BRD4: variants seen among roughly 807,000 people sequenced by gnomAD.
BRD4 encodes bromodomain containing 4, also known as bromodomain-containing protein 4.
In BRD4, 16 loss-of-function variants were observed where a neutral mutation model predicts 142.1. The observed-to-expected ratio is 0.11, with a 90% CI of 0.08 to 0.17. BRD4 has a LOEUF of 0.17. Among genes scored for constraint, BRD4 ranks in the 10% least tolerant of loss-of-function variants. BRD4 has a pLI of 1.00. For missense variants in BRD4, 1,424 were observed against 1,810.9 expected, an observed-to-expected ratio of 0.79 and a Z score of 3.88; for synonymous variants, 833 against 707.5, an observed-to-expected ratio of 1.18 and a Z score of -2.82.
intron 7 of BRD4, among the ~76,000 whole-genome samples, chr19:15,257,903 A>C (rs1393641470): frequency 1.3e-5 from 2 of 152,174 alleles, no homozygotes; most frequent in Non-Finnish European, 2.9e-5. Context: ...AAGATCCAGC[A>C]ATCAGATGGA....
At chr19:15,326,631 A>G (rs556434316) in intron 1 of BRD4, among the ~76,000 whole-genome samples, 8 of 152,326 alleles carry the variant, frequency 5.3e-5, no homozygotes, top group African/African-American at 1.7e-4. Flanking sequence ...CTTTTTCCAA[A>G]TTCCTTAAAA....
chr19:15,284,590 A>G (rs907738832), intron 1 of BRD4, among the ~76,000 whole-genome samples: 3 of 152,136 alleles, frequency 2.0e-5, no homozygotes, highest in Non-Finnish European at 4.4e-5. Context: ...TTCACTTTCA[A>G]GCTTCTCTTC....
intron 4 of BRD4, 36 bp from the exon 5 acceptor site, chr19:15,265,679 T>C (rs780917751): frequency 1.9e-6 from 3 of 1,611,452 alleles, no homozygotes; most frequent in African/African-American, 1.3e-5. Context: ...TTAGAGACCA[T>C]GCTGACATCC....
intron 1 of BRD4, among the ~76,000 whole-genome samples, chr19:15,292,890 T>C (rs1167481452): frequency 6.7e-6 from 1 of 148,956 alleles, no homozygotes; most frequent in African/African-American, 2.5e-5. Flanking sequence ...CAATTTCGGA[T>C]GTGAAAGGAT....
intron 1 of BRD4, among the ~76,000 whole-genome samples, chr19:15,278,105 C>CAAAAAAAAA (rs59204229): frequency 9.1e-5 from 5 of 55,038 alleles, no homozygotes; most frequent in African/African-American, 1.3e-4. Context: ...GACTCCGTCT[C>CAAAAAAAAA]AAAAAAAAAA....
intron 7 of BRD4, among the ~76,000 whole-genome samples, chr19:15,258,626 G>A (rs957830110): frequency 1.3e-5 from 2 of 151,994 alleles, no homozygotes; most frequent in African/African-American, 4.8e-5. Flanking sequence ...TCTTTTTGGA[G>A]ATAGGGCCTT....
At chr19:15,255,720 G>T in intron 9 of BRD4, 128 bp from the exon 10 acceptor site, 1 of 1,239,036 alleles carries the variant, frequency 8.1e-7, no homozygotes, top group Non-Finnish European at 1.1e-6. Context: ...GCCTTCACAG[G>T]AAACGGGGCA....
intron 5 of BRD4, 93 bp downstream of exon 5, chr19:15,265,261 C>T (rs189720317): frequency 1.1e-5 from 14 of 1,262,742 alleles, no homozygotes; most frequent in Middle Eastern, 2.8e-4. Flanking sequence ...CACCAGTGCC[C>T]GGGACCCAGG....
chr19:15,248,538 G>A (rs2047312411), intron 11 of BRD4: 1 of 223,330 alleles, frequency 4.5e-6, no homozygotes, highest in African/African-American at 2.2e-5. Context: ...TTCCCTATGT[G>A]ACTTGAGAAG....
chr19:15,292,498 G>A (rs2059582059), intron 1 of BRD4, among the ~76,000 whole-genome samples: 1 of 152,150 alleles, frequency 6.6e-6, no homozygotes, highest in Admixed American at 6.5e-5. Context: ...AAAAGCCTGG[G>A]CCGGGCGCAG....
intron 11 of BRD4, chr19:15,253,069 GTC>G: frequency 4.0e-6 from 1 of 247,832 alleles, no homozygotes; most frequent in East Asian, 6.1e-5. Context: ...ACATGCAGGA[GTC>G]TACTGCCAAA....
chr19:15,282,667 C>G (rs1376052708), intron 1 of BRD4, among the ~76,000 whole-genome samples: 2 of 152,226 alleles, frequency 1.3e-5, no homozygotes, highest in African/African-American at 4.8e-5. Context: ...GTGCCCTTCA[C>G]AGTTAAGAGT....
chr19:15,239,759 G>A lies in BRD4; in HGVS notation c.3345C>T (p.Ile1115=), dbSNP rs2047223622. 1 of 1,610,616 alleles carries A rather than the reference G, an allele frequency of 6.2e-7. No individual in the cohort carries two copies. The change falls in exon 16 of 20, where the codon ATC becomes ATT. Residue 1115 remains isoleucine (I), a synonymous_variant. Coordinates refer to ENST00000679869, the MANE Select transcript of BRD4 (RefSeq NM_001379291.1). The surrounding 1 kb of genome is among the most constrained non-coding windows in gnomAD (Gnocchi z 7.4). ...GCTCGCTGCGGATGATGGGTGAGTG[G>A]ATCTTCTCCTCCTTCACCACCACGA... The part of the protein sequence containing the change: ...QPLVVVKEEK[I]HSPIIRSEPF...
rs922031428 is a variant in BRD4 at position 15,235,842 on chromosome 19, TGGA to T, written c.*2532_*2534del. ...TAGAGAGACACCCATCAGGGAGGTG[TGGA>T]GAAGGCCATGGCTGAGTTAAATCTT... is the stretch of plus-strand genomic sequence containing the variant. On this transcript the variant is annotated 3_prime_UTR_variant, in exon 20 of 20. Transcript: ENST00000679869. 1.3e-5 allele frequency: 2 copies of T among 152,092 alleles called. No individual in the cohort carries two copies. Among genetic ancestry groups the T allele is most frequent in the African/African-American group, 4.8e-5 (2 of 41,410 alleles). 9.4% of individuals were successfully genotyped at this position (152,092 alleles called of 1,614,324 possible).
In BRD4 at chr19:15,272,795, G is replaced by C; in HGVS notation, c.285+20C>G. The C allele has an allele frequency of 6.2e-7, 1 of 1,607,040 alleles. No individual in the cohort carries two copies. The highest frequency in any genetic ancestry group is 1.1e-5 in the South Asian group (1 of 90,692). On this transcript the variant is annotated intron_variant, in intron 2 of 19. Coordinates refer to ENST00000679869, the MANE Select transcript of BRD4 (RefSeq NM_001379291.1). Reference sequence around the variant, plus strand: ...ACGACCTCCAGGACGGCCACCCTGGGCCCTGCCCACACTACTCACAGGGAG... The same window carrying C: ...ACGACCTCCAGGACGGCCACCCTGGCCCCTGCCCACACTACTCACAGGGAG...
At chr19:15,326,189 G>A (rs2048107082) in intron 1 of BRD4, among the ~76,000 whole-genome samples, 1 of 149,464 alleles carries the variant, frequency 6.7e-6, no homozygotes, top group South Asian at 2.1e-4. Context: ...GGGCGCTGTG[G>A]CTCATGCCTG....
Position 15,263,568 on chromosome 19 carries a change from C to T in BRD4, c.1213-20G>A, listed in dbSNP as rs766628865. The T allele has an allele frequency of 1.1e-5, 17 of 1,613,664 alleles. No individual in the cohort carries two copies. In the East Asian group the frequency reaches 3.3e-4, roughly 32 times the overall value. ...TTTAGACTGGAAAACAAGACAAGTC[C>T]CTGTTAGCTGTGTCTGCCCATGTGA... On this transcript the variant is annotated intron_variant, in intron 6 of 19. Coordinates refer to ENST00000679869, the MANE Select transcript of BRD4 (RefSeq NM_001379291.1).
At position 15,239,629 on chromosome 19, in the gene BRD4, G is replaced by C. The variant is rs1181650323; in HGVS notation, c.3445+30C>G. 1 of 1,561,918 alleles carries C rather than the reference G, an allele frequency of 6.4e-7. No individual in the cohort carries two copies. The highest frequency in any genetic ancestry group is 1.4e-5 in the African/African-American group (1 of 72,980). On this transcript the variant is annotated intron_variant, in intron 16 of 19. Transcript: ENST00000679869. This position sits in a 1 kb window ranked among gnomAD's most constrained non-coding sequence, Gnocchi z 7.4. ...CCAACACGGGCCTCGGGGGGCCTGA[G>C]CCCTGGCTGTGGGCAGGGAGAGCAC...
intron 1 of BRD4, among the ~76,000 whole-genome samples, chr19:15,331,351 G>A (rs369603090): frequency 3.9e-5 from 6 of 152,268 alleles, no homozygotes; most frequent in Non-Finnish European, 7.4e-5. Context: ...CGTTTGGGAG[G>A]AGGGGGATCA....
Sources: gnomAD v4.1 joint callset for allele counts (sites outside exome capture counted in the v4.1 genomes callset) on GRCh38, gnomAD v4.1.1 for gene constraint, Gnocchi (gnomAD v3.1) non-coding constraint, MANE v1.5 for transcripts, NCBI Gene and HGNC (gene_info 2026-07-23, HGNC 2026-07-21) for gene names.